EFHC2: variants seen among roughly 807,000 people sequenced by gnomAD.
EFHC2 encodes the protein EF-hand domain containing 2.
Under a neutral mutation model 52.7 loss-of-function variants are expected in EFHC2, and 18 were observed. That is an observed-to-expected ratio of 0.34 (90% confidence interval 0.24 to 0.51). EFHC2 has a LOEUF of 0.51. Among genes scored for constraint, EFHC2 ranks in the 20% least tolerant of loss-of-function variants. EFHC2 has a pLI of 0.97. For missense variants in EFHC2, 513 were observed against 562.5 expected, an observed-to-expected ratio of 0.91 and a Z score of 0.89; for synonymous variants, 203 against 204.1, an observed-to-expected ratio of 0.99 and a Z score of 0.04.
chrX:44,269,546 G>A (rs192292167), intron 3 of EFHC2, among the ~76,000 whole-genome samples: 2 of 110,744 alleles, frequency 1.8e-5, no homozygotes, highest in South Asian at 7.8e-4. Context: ...GTTGGTTACC[G>A]TAAAATCTGA....
chrX:44,325,972 G>A (rs1252188811), intron 1 of EFHC2, among the ~76,000 whole-genome samples: 1 of 106,866 alleles, frequency 9.4e-6, no homozygotes. Context: ...AGCTCACTGC[G>A]GCCTTGACTT....
At chrX:44,322,369 A>G (rs780965766) in intron 1 of EFHC2, among the ~76,000 whole-genome samples, 1 of 112,618 alleles carries the variant, frequency 8.9e-6, no homozygotes, top group Non-Finnish European at 1.9e-5. Flanking sequence ...TCGAATGAAT[A>G]GAACATAAGC....
intron 3 of EFHC2, 112 bp downstream of exon 3, chrX:44,272,574 A>G (rs1365070646): frequency 8.0e-6 from 6 of 746,709 alleles, no homozygotes; most frequent in Non-Finnish European, 9.5e-6. Context: ...CACTGCCAGC[A>G]GGTTAGACAG....
intron 11 of EFHC2, among the ~76,000 whole-genome samples, chrX:44,226,514 A>T (rs1372747792): frequency 9.0e-6 from 1 of 111,162 alleles, no homozygotes; most frequent in African/African-American, 3.3e-5. Flanking sequence ...AAATGAGGTC[A>T]AGTTAGGGAA....
intron 14 of EFHC2, among the ~76,000 whole-genome samples, chrX:44,159,826 G>A (rs1381687714): frequency 8.9e-6 from 1 of 112,665 alleles, no homozygotes. Flanking sequence ...CCTTGGCAGG[G>A]ACTGCCCAGC....
At chrX:44,168,759 C>A (rs2036720001) in intron 13 of EFHC2, among the ~76,000 whole-genome samples, 1 of 110,263 alleles carries the variant, frequency 9.1e-6, no homozygotes, top group African/African-American at 3.3e-5. Flanking sequence ...CGTAAACTCT[C>A]CCTTTCCCCA....
Position 44,250,389 on chromosome X carries a change from C to A in EFHC2, c.663G>T (p.Gln221His). ...AAATCTTGCCATGATACTGGAGGAACTGTTTCAGGGTGTCGAGGGATTCGT... is the reference window on the plus strand; with the variant it reads ...AAATCTTGCCATGATACTGGAGGAAATGTTTCAGGGTGTCGAGGGATTCGT... ...RPYESLDTLK[Q>H]FLQYHGKILC... The change falls in exon 5 of 15, where the codon CAG becomes CAT. Residue 221 changes from glutamine to histidine, a missense_variant. Physicochemically the swap from Gln to His is conservative, Grantham distance 24. Transcript: ENST00000420999. The A allele has an allele frequency of 8.3e-7, 1 of 1,211,153 alleles. No homozygotes were observed. Among genetic ancestry groups the A allele is most frequent in the Non-Finnish European group, 1.1e-6 (1 of 895,096 alleles).
chrX:44,199,252 T>G (rs1030443117), intron 11 of EFHC2, among the ~76,000 whole-genome samples: 1 of 112,928 alleles, frequency 8.9e-6, no homozygotes, highest in African/African-American at 3.2e-5. Context: ...ACTCTCTCTC[T>G]TGCTCCCTCT....
chrX:44,258,969 A>G (rs1441568501), intron 4 of EFHC2, among the ~76,000 whole-genome samples: 2 of 111,690 alleles, frequency 1.8e-5, no homozygotes, highest in Non-Finnish European at 3.8e-5. Context: ...AATTAGTTCA[A>G]CCATTGTGGA....
chrX:44,216,781 G>A (rs1218955854), intron 11 of EFHC2, among the ~76,000 whole-genome samples: 4 of 111,557 alleles, frequency 3.6e-5, no homozygotes, highest in Non-Finnish European at 5.6e-5. Context: ...AGAAAACATT[G>A]GGAAACTCTC....
intron 2 of EFHC2, among the ~76,000 whole-genome samples, chrX:44,281,624 AC>A (rs1448184061): frequency 5.3e-5 from 6 of 112,353 alleles, no homozygotes; most frequent in Non-Finnish European, 1.1e-4. Context: ...AGGAGGAATG[AC>A]ATTGCAGGCT....
At chrX:44,243,023 G>A (rs900428038) in intron 7 of EFHC2, among the ~76,000 whole-genome samples, 30 of 111,714 alleles carry the variant, frequency 2.7e-4, no homozygotes, top group Admixed American at 2.6e-3. Flanking sequence ...AGTGCTACGC[G>A]GTAAATACTG....
intron 9 of EFHC2, 33 bp downstream of exon 9, chrX:44,235,271 CT>C (rs765017498): frequency 1.9e-5 from 20 of 1,073,692 alleles, no homozygotes; most frequent in African/African-American, 1.7e-4. Context: ...TTAAAATGTT[CT>C]CAAGAAAATA....
At position 44,312,616 on chromosome X, in the gene EFHC2, A is replaced by G; in HGVS notation, c.183T>C (p.Pro61=). The G allele has an allele frequency of 2.5e-6, 3 of 1,209,508 alleles. No individual in the cohort carries two copies. Among genetic ancestry groups the G allele is most frequent in the Non-Finnish European group, 3.4e-6 (3 of 894,577 alleles). ...QKIKPKCSIY[P]KGDGSDVPSW... The stretch of plus-strand genomic sequence containing the variant: ...ATGGTACATCACTTCCATCTCCTTT[A>G]GGATATATGCTACATTTAGGCTTTA... Residue 61 remains proline (P), a synonymous_variant, in exon 2 of 15, where the codon CCT becomes CCC. Transcript: ENST00000420999.
chrX:44,241,519 GC>G (rs1464496943), intron 8 of EFHC2, among the ~76,000 whole-genome samples: 1 of 112,230 alleles, frequency 8.9e-6, no homozygotes. Context: ...CAGTCAGTGA[GC>G]CAAATCTACC....
intron 7 of EFHC2, among the ~76,000 whole-genome samples, chrX:44,242,736 T>C (rs1446703529): frequency 9.0e-6 from 1 of 110,941 alleles, no homozygotes; most frequent in Non-Finnish European, 1.9e-5. Flanking sequence ...CTCCTGACTA[T>C]TCACCTTTAT....
At chrX:44,321,732 G>T (rs755019283) in intron 1 of EFHC2, among the ~76,000 whole-genome samples, 20 of 111,478 alleles carry the variant, frequency 1.8e-4, no homozygotes, top group Non-Finnish European at 3.4e-4. Flanking sequence ...CCCTGATTTG[G>T]CAACATGGAG....
intron 1 of EFHC2, among the ~76,000 whole-genome samples, chrX:44,316,381 C>A (rs2147385464): frequency 8.9e-6 from 1 of 112,200 alleles, no homozygotes; most frequent in South Asian, 3.7e-4. Context: ...GGGGACATGG[C>A]CTTGGGCAAG....
chrX:44,289,630 G>A (rs954886162), intron 2 of EFHC2, among the ~76,000 whole-genome samples: 7 of 104,233 alleles, frequency 6.7e-5, no homozygotes, highest in Non-Finnish European at 1.2e-4. Flanking sequence ...ATTTTCTCTG[G>A]TACAGAATAA....
Sources: allele counts gnomAD v4.1 joint callset (sites outside exome capture counted in the v4.1 genomes callset), GRCh38; gene constraint gnomAD v4.1.1; transcripts MANE v1.5; gene names NCBI Gene and HGNC (gene_info 2026-07-23, HGNC 2026-07-21).